CADPS2: variants seen among roughly 807,000 people sequenced by gnomAD.
The protein encoded by CADPS2 is calcium-dependent secretion activator 2.
Under a neutral mutation model 172.5 loss-of-function variants are expected in CADPS2, and 93 were observed. The ratio of observed to expected loss-of-function variants is 0.54; its 90% CI spans 0.46 to 0.64. The LOEUF (loss-of-function observed/expected upper bound fraction) is 0.64. CADPS2 is among the 30% of genes least tolerant of loss of function. The pLI is 0.00. For missense variants in CADPS2, 1,420 were observed against 1,565.9 expected, an observed-to-expected ratio of 0.91 and a Z score of 1.57; for synonymous variants, 546 against 555.2, an observed-to-expected ratio of 0.98 and a Z score of 0.23.
rs975274211 is a variant in CADPS2 at position 122,371,759 on chromosome 7, T to C, written c.3387+7609A>G. 5.3e-5 allele frequency among the ~76,000 whole-genome samples: 8 copies of C among 152,260 alleles called. No individual in the cohort carries two copies. In the East Asian group the frequency reaches 7.7e-4, roughly 15 times the overall value. ...TGTTTAGGAGACTGACTCAAGGCCC[T>C]GATGTCCTCCTGTGTGATGTGCTTG... On this transcript the variant is annotated intron_variant, in intron 25 of 29. Coordinates refer to ENST00000449022, the MANE Select transcript of CADPS2 (RefSeq NM_017954.11).
intron 2 of CADPS2, among the ~76,000 whole-genome samples, chr7:122,704,052 A>G (rs1183001903): frequency 6.6e-6 from 1 of 152,136 alleles, no homozygotes; most frequent in Non-Finnish European, 1.5e-5. Context: ...TGTATAGGTT[A>G]TCTTCTATGT....
chr7:122,821,552 G>C (rs1010993029), intron 1 of CADPS2, among the ~76,000 whole-genome samples: 6 of 152,096 alleles, frequency 3.9e-5, no homozygotes, highest in African/African-American at 4.8e-5. Flanking sequence ...TGGATAGGTA[G>C]AGGCCTTTCC....
chr7:122,651,883 ACT>A (rs1410720224), intron 3 of CADPS2, among the ~76,000 whole-genome samples: 2 of 152,020 alleles, frequency 1.3e-5, no homozygotes, highest in East Asian at 1.9e-4. Flanking sequence ...CACTCTTCAG[ACT>A]CTGTTCATTT....
At chr7:122,690,565 T>A (rs916785506) in intron 2 of CADPS2, among the ~76,000 whole-genome samples, 6 of 152,192 alleles carry the variant, frequency 3.9e-5, no homozygotes, top group Admixed American at 2.6e-4. Context: ...GTCTCCCTAC[T>A]TTTAGGGGTA....
At chr7:122,634,890 G>C (rs1478048969) in intron 3 of CADPS2, among the ~76,000 whole-genome samples, 1 of 151,986 alleles carries the variant, frequency 6.6e-6, no homozygotes, top group Non-Finnish European at 1.5e-5. Flanking sequence ...TTTGATTTCT[G>C]TCTTAATTTC....
At chr7:122,817,441 T>C (rs1293232030) in intron 1 of CADPS2, among the ~76,000 whole-genome samples, 1 of 152,178 alleles carries the variant, frequency 6.6e-6, no homozygotes, top group Non-Finnish European at 1.5e-5. Context: ...TTTCATTTTC[T>C]GGGAGAGACA....
intron 17 of CADPS2, among the ~76,000 whole-genome samples, chr7:122,436,077 T>C (rs950109141): frequency 3.9e-5 from 6 of 152,118 alleles, no homozygotes; most frequent in Admixed American, 1.3e-4. Flanking sequence ...AGCAATATAG[T>C]ACACTTTAAG....
chr7:122,486,954 T>C (rs1232423295), intron 11 of CADPS2, among the ~76,000 whole-genome samples: 1 of 152,080 alleles, frequency 6.6e-6, no homozygotes, highest in Non-Finnish European at 1.5e-5. Context: ...TTTAAAATTA[T>C]GTTTTAGACA....
chr7:122,413,628 T>C (rs756040780), intron 19 of CADPS2, among the ~76,000 whole-genome samples: 3 of 152,184 alleles, frequency 2.0e-5, no homozygotes, highest in Non-Finnish European at 2.9e-5. Context: ...TGCTCTTTCA[T>C]GGAGCAAAGG....
At chr7:122,683,440 G>A (rs2083277959) in intron 2 of CADPS2, among the ~76,000 whole-genome samples, 1 of 152,124 alleles carries the variant, frequency 6.6e-6, no homozygotes, top group South Asian at 2.1e-4. Flanking sequence ...AGGCTTAAGG[G>A]TGGGGGTTTA....
intron 20 of CADPS2, among the ~76,000 whole-genome samples, chr7:122,400,466 C>G (rs2045808882): frequency 6.6e-6 from 1 of 151,400 alleles, no homozygotes; most frequent in Non-Finnish European, 1.5e-5. Context: ...AAAAACAAAA[C>G]AAAACTAAAC....
intron 12 of CADPS2, among the ~76,000 whole-genome samples, chr7:122,478,675 T>G (rs1344377261): frequency 6.6e-6 from 1 of 152,110 alleles, no homozygotes; most frequent in Non-Finnish European, 1.5e-5. Context: ...AAATAGGTAA[T>G]ACAGACTTGA....
chr7:122,386,284 A>C, intron 24 of CADPS2: 2 of 1,431,296 alleles, frequency 1.4e-6, no homozygotes, highest in Non-Finnish European at 1.8e-6. Flanking sequence ...AGAAAAAAAA[A>C]TGAGACTTAC....
intron 19 of CADPS2, 82 bp from the exon 20 acceptor site, chr7:122,407,778 T>G: frequency 7.7e-7 from 1 of 1,298,474 alleles, no homozygotes; most frequent in South Asian, 1.3e-5. Context: ...TTGAAAATAT[T>G]TTATAACATG....
At chr7:122,762,414 G>T (rs1206560938) in intron 1 of CADPS2, among the ~76,000 whole-genome samples, 2 of 152,048 alleles carry the variant, frequency 1.3e-5, no homozygotes, top group South Asian at 2.1e-4. Flanking sequence ...TCCCAACAAG[G>T]ATGGAAGTTA....
chr7:122,865,330 T>A (rs565312773), intron 1 of CADPS2, among the ~76,000 whole-genome samples: 1 of 152,284 alleles, frequency 6.6e-6, no homozygotes, highest in East Asian at 1.9e-4. Flanking sequence ...CCTCAGGTAT[T>A]TCTTTACAGC....
At chr7:122,539,916 T>A (rs530724409) in intron 8 of CADPS2, among the ~76,000 whole-genome samples, 1 of 152,198 alleles carries the variant, frequency 6.6e-6, no homozygotes, top group African/African-American at 2.4e-5. Flanking sequence ...ATTTTCCTAA[T>A]GTGTCCTTAA....
intron 1 of CADPS2, 118 bp from the exon 2 acceptor site, chr7:122,737,186 A>T (rs2092217649): frequency 5.0e-6 from 3 of 596,960 alleles, no homozygotes; most frequent in Non-Finnish European, 8.9e-6. Context: ...TTTATAGTAA[A>T]GAAAAATAAA....
chr7:122,376,984 G>C (rs2151323167), intron 25 of CADPS2, among the ~76,000 whole-genome samples: 1 of 152,150 alleles, frequency 6.6e-6, no homozygotes, highest in Non-Finnish European at 1.5e-5. Context: ...ATAGAAGCTT[G>C]AGATGTTTGG....
Sources: allele counts gnomAD v4.1 joint callset (sites outside exome capture counted in the v4.1 genomes callset), GRCh38; gene constraint gnomAD v4.1.1; transcripts MANE v1.5; gene names NCBI Gene and HGNC (gene_info 2026-07-23, HGNC 2026-07-21).